Variants in HSPA4 observed in about 807,000 individuals in gnomAD.
HSPA4 encodes heat shock 70 kDa protein 4.
HSPA4 carries 25 observed loss-of-function variants against 106.2 expected under a neutral mutation model. The observed-to-expected ratio is 0.24, with a 90% CI of 0.17 to 0.33. The LOEUF is 0.33. Among genes scored for constraint, HSPA4 ranks in the 10% least tolerant of loss-of-function variants. The pLI, the probability that HSPA4 is intolerant of heterozygous loss-of-function variation, is 1.00. For missense variants in HSPA4, 841 were observed against 996.0 expected (o/e 0.84, Z 2.10); for synonymous variants, 332 against 333.6 (o/e 1.00, Z 0.05).
intron 12 of HSPA4, among the ~76,000 whole-genome samples, chr5:133,091,716 C>A (rs1390410607): frequency 2.0e-5 from 3 of 152,140 alleles, no homozygotes; most frequent in Non-Finnish European, 4.4e-5. Flanking sequence ...TGCACTGGGT[C>A]TTGTCTTCAT....
In HSPA4 at chr5:133,073,880, A is replaced by G. The variant is rs1007973595; in HGVS notation, c.530-113A>G. The G allele has an allele frequency of 2.3e-5, 14 of 604,556 alleles. No homozygotes were observed. In the African/African-American group the frequency reaches 2.5e-4, roughly 11 times the overall value. The allele number at this position is 604,556 out of a possible 1,614,324, so 37.4% of individuals were successfully genotyped here. On this transcript the variant is annotated intron_variant, in intron 5 of 18. Coordinates refer to ENST00000304858, the MANE Select transcript of HSPA4 (RefSeq NM_002154.4). Reference sequence around the variant, plus strand: ...AGTGCTTATAAAGAATTTGATTTCTAAAACATAACACATGTAGTTGCATTC... The same window carrying G: ...AGTGCTTATAAAGAATTTGATTTCTGAAACATAACACATGTAGTTGCATTC...
chr5:133,062,155 A>G (rs1177571545), intron 1 of HSPA4, among the ~76,000 whole-genome samples: 2 of 152,172 alleles, frequency 1.3e-5, no homozygotes, highest in African/African-American at 4.8e-5. Context: ...TAGGTTCCAT[A>G]TTAAGGAATA....
At chr5:133,064,533 T>C (rs1017035920) in intron 1 of HSPA4, among the ~76,000 whole-genome samples, 5 of 152,064 alleles carry the variant, frequency 3.3e-5, no homozygotes, top group African/African-American at 1.2e-4. Context: ...GCCTGGAAAC[T>C]AGTTGTAGAA....
chr5:133,052,565 C>T (rs1297452871), intron 1 of HSPA4, among the ~76,000 whole-genome samples: 1 of 152,226 alleles, frequency 6.6e-6, no homozygotes, highest in Non-Finnish European at 1.5e-5. Flanking sequence ...GCGCGAGGGC[C>T]TTTTCCCCGG....
intron 16 of HSPA4, among the ~76,000 whole-genome samples, chr5:133,101,272 C>G (rs1203941109): frequency 1.3e-5 from 2 of 152,150 alleles, no homozygotes; most frequent in Non-Finnish European, 2.9e-5. Context: ...TCGCCCCACC[C>G]TTTCCTTATT....
chr5:133,080,650 A>C (rs1482969441), intron 7 of HSPA4, among the ~76,000 whole-genome samples: 3 of 151,156 alleles, frequency 2.0e-5, no homozygotes, highest in Non-Finnish European at 4.4e-5. Context: ...ATTATGTTGG[A>C]TCTTCCTTGC....
intron 2 of HSPA4, among the ~76,000 whole-genome samples, chr5:133,066,838 C>G (rs1033368927): frequency 1.3e-5 from 2 of 151,570 alleles, no homozygotes; most frequent in Non-Finnish European, 2.9e-5. Context: ...CCTCAGCCTC[C>G]TGAGTAGCTG....
Position 133,103,979 on chromosome 5 carries a change from A to T in HSPA4, c.2272A>T (p.Thr758Ser). The T allele has an allele frequency of 1.2e-6, 2 of 1,613,956 alleles. No homozygotes were observed. The highest frequency in any genetic ancestry group is 1.7e-6 in the Non-Finnish European group (2 of 1,179,940). Residue 758 changes from threonine (T) to serine (S), a missense_variant, in exon 18 of 19, where the codon ACC becomes TCC. This residue lies in a region of HSPA4 where 328 missense variants were observed against 372.2 expected (regional missense o/e 0.88). Transcript: ENST00000304858. The part of the protein sequence containing the change: ...KLNLQNKQSL[T>S]MDPVVKSKEI... ...AAATCTGCAGAACAAGCAGAGTTTG[A>T]CCATGGATCCAGTTGTCAAGTCAAA...
intron 3 of HSPA4, among the ~76,000 whole-genome samples, chr5:133,068,919 AAG>A (rs1219924652): frequency 3.3e-5 from 5 of 152,216 alleles, no homozygotes; most frequent in Non-Finnish European, 5.9e-5. Context: ...GCAGGGAAGA[AAG>A]AGATAATTTA....
intron 1 of HSPA4, among the ~76,000 whole-genome samples, chr5:133,053,231 C>A (rs373201953): frequency 8.6e-5 from 13 of 151,722 alleles, no homozygotes; most frequent in African/African-American, 2.4e-4. Flanking sequence ...CAGTGTCTGC[C>A]TTTTGAATAC....
chr5:133,059,682 A>G (rs1442755252), intron 1 of HSPA4, among the ~76,000 whole-genome samples: 1 of 152,158 alleles, frequency 6.6e-6, no homozygotes, highest in African/African-American at 2.4e-5. Context: ...CTAATTTTGA[A>G]TCATAGACTC....
chr5:133,070,686 G>T (rs570515951), intron 4 of HSPA4, among the ~76,000 whole-genome samples, 190 bp downstream of exon 4: 124 of 152,270 alleles, frequency 8.1e-4, no homozygotes, highest in African/African-American at 2.8e-3. Context: ...TGGATCACCT[G>T]AGGTCAGGAG....
At chr5:133,067,817 T>G (rs1561577816) in intron 3 of HSPA4, among the ~76,000 whole-genome samples, 1 of 152,170 alleles carries the variant, frequency 6.6e-6, no homozygotes, top group African/African-American at 2.4e-5. Context: ...GCTGCTTGTT[T>G]TGCTCACTGA....
intron 11 of HSPA4, 113 bp downstream of exon 11, chr5:133,089,808 G>A (rs183046864): frequency 5.3e-6 from 4 of 759,496 alleles, no homozygotes; most frequent in African/African-American, 3.5e-5. Flanking sequence ...GAGCTGAGGA[G>A]TTCGAGATCA....
chr5:133,082,681 G>T (rs530282580), intron 7 of HSPA4, among the ~76,000 whole-genome samples: 23 of 152,052 alleles, frequency 1.5e-4, no homozygotes, highest in Non-Finnish European at 3.1e-4. Context: ...GCTCAGGCTG[G>T]TCTCAGATTC....
Position 133,089,141 on chromosome 5 carries a change from TC to T in HSPA4, c.1226del (p.Pro409GlnfsTer51). On this transcript the variant is annotated frameshift_variant, in exon 10 of 19. Coordinates refer to ENST00000304858, the MANE Select transcript of HSPA4 (RefSeq NM_002154.4). LOFTEE classifies it high-confidence loss of function. ...ATCCAATATCTCTGAGATGGAATTC[TC>T]CAGCTGAAGAAGGGTCAAGGTATCA... Reference protein sequence around the residue: ...PYPISLRWNSPAEEGSSDCEV... With the variant: ...PYPISLRWNSXAEEGSSDCEV... 6.3e-7 allele frequency: 1 copy of T among 1,591,026 alleles called. No individual in the cohort carries two copies. Among genetic ancestry groups the T allele is most frequent in the Non-Finnish European group, 8.6e-7 (1 of 1,164,924 alleles).
At chr5:133,082,178 A>ATT (rs966778709) in intron 7 of HSPA4, among the ~76,000 whole-genome samples, 13 of 152,224 alleles carry the variant, frequency 8.5e-5, no homozygotes, top group South Asian at 2.1e-4. Flanking sequence ...AAAAGGCCAC[A>ATT]TTTTGTATGA....
In HSPA4 at chr5:133,103,849, T is replaced by A. The variant is rs202162154; in HGVS notation, c.2158-16T>A. On this transcript the variant is annotated splice_polypyrimidine_tract_variant and intron_variant, in intron 17 of 18. Coordinates refer to ENST00000304858, the MANE Select transcript of HSPA4 (RefSeq NM_002154.4). ...ATCACACTTTTAGCACTTGTTTGAC[T>A]GTCTCCTGGTTGCAGGAGGACCAGT... The A allele has an allele frequency of 1.2e-6, 2 of 1,608,098 alleles. No homozygotes were observed. Among genetic ancestry groups the A allele is most frequent in the African/African-American group, 1.3e-5 (1 of 74,752 alleles).
intron 3 of HSPA4, among the ~76,000 whole-genome samples, chr5:133,068,317 G>A (rs1765337246): frequency 1.3e-5 from 2 of 152,142 alleles, no homozygotes; most frequent in East Asian, 1.9e-4. Context: ...ATCTAGTGGA[G>A]TCTCTGTGAA....
Sources: gnomAD v4.1 joint callset for allele counts (sites outside exome capture counted in the v4.1 genomes callset) on GRCh38, gnomAD v4.1.1 for gene constraint, gnomAD v4.1.1 regional missense constraint, MANE v1.5 for transcripts, NCBI Gene and HGNC (gene_info 2026-07-23, HGNC 2026-07-21) for gene names.